PTGIS: variants seen among roughly 807,000 people sequenced by gnomAD.
PTGIS encodes the protein prostaglandin I2 synthase.
A neutral mutation model predicts 50.3 loss-of-function variants in PTGIS; 45 were observed. That is an observed-to-expected ratio of 0.90 (90% CI 0.70 to 1.15). The LOEUF (loss-of-function observed/expected upper bound fraction) is 1.15. PTGIS is among the 50% of genes most tolerant of loss of function. PTGIS has a pLI of 0.00. For synonymous variants in PTGIS, 260 were observed against 267.7 expected (o/e 0.97, Z 0.28); for missense variants, 668 against 661.3 (o/e 1.01, Z -0.11).
intron 6 of PTGIS, among the ~76,000 whole-genome samples, chr20:49,522,916 C>T (rs951060884): frequency 6.6e-6 from 1 of 152,126 alleles, no homozygotes; most frequent in Admixed American, 6.5e-5. Flanking sequence ...CCCAGCTATT[C>T]AGGAGGCTGA....
chr20:49,557,709 A>G lies in PTGIS; in HGVS notation c.75-7520T>C, dbSNP rs147302759. Among the ~76,000 whole-genome samples the G allele has an allele frequency of 3.3e-3, 510 of 152,322 alleles. 1 individual carries two copies. The highest frequency in any genetic ancestry group is 0.012 in the African/African-American group (479 of 41,580). On this transcript the variant is annotated intron_variant, in intron 1 of 9. Transcript: ENST00000244043. The stretch of plus-strand genomic sequence containing the variant: ...AGTCATGCAAGAAGCTGCCTTTCCT[A>G]CTATTCCTAAGCAGATAGCTACAGA...
chr20:49,567,926 G>A (rs575322), intron 1 of PTGIS, 117 bp downstream of exon 1: 386,004 of 982,956 alleles, frequency 0.39, 78,858 homozygotes, highest in East Asian at 0.67. Flanking sequence ...CGCCTTGCCC[G>A]GGATACTGGA....
intron 8 of PTGIS, among the ~76,000 whole-genome samples, chr20:49,512,138 T>G (rs1981337338): frequency 6.6e-6 from 1 of 151,314 alleles, no homozygotes; most frequent in Non-Finnish European, 1.5e-5. Flanking sequence ...GGTGGGTGGA[T>G]GAAAGAGTAG....
At chr20:49,557,575 G>GAA (rs1982649656) in intron 1 of PTGIS, among the ~76,000 whole-genome samples, 1 of 146,230 alleles carries the variant, frequency 6.8e-6, no homozygotes, top group Non-Finnish European at 1.5e-5. Context: ...AAAAAAAAAA[G>GAA]AAGAAAAGAA....
Position 49,568,028 on chromosome 20 carries a change from G to A in PTGIS, c.74+15C>T, listed in dbSNP as rs988440667. On this transcript the variant is annotated intron_variant, in intron 1 of 9. Transcript: ENST00000244043. The stretch of plus-strand genomic sequence containing the variant: ...CCCCTTTGTCTGGCGGGGCCGAGCG[G>A]AGCAGGACACTCACCGCGTGCGGCG... 54 of 1,486,236 alleles carry A rather than the reference G, an allele frequency of 3.6e-5. No homozygotes were observed. Among genetic ancestry groups the A allele is most frequent in the Non-Finnish European group, 4.8e-5 (54 of 1,125,096 alleles). 92.1% of individuals were successfully genotyped at this position (1,486,236 alleles called of 1,614,324 possible).
chr20:49,527,135 TAAAAAGGAATGAAATTCTGACGCATA>T (rs1163745463), intron 5 of PTGIS, among the ~76,000 whole-genome samples: 107 of 152,098 alleles, frequency 7.0e-4, no homozygotes, highest in Admixed American at 1.5e-3. Flanking sequence ...TATTCACTCT[TAAAAAGGAATGAAATTCTGACGCATA>T]TGCCAGGCAT....
intron 1 of PTGIS, among the ~76,000 whole-genome samples, chr20:49,555,662 A>T (rs994264980): frequency 6.6e-6 from 1 of 152,252 alleles, no homozygotes; most frequent in Non-Finnish European, 1.5e-5. Context: ...CTTAGTATAC[A>T]TCATCAGTAG....
chr20:49,544,244 A>G (rs1982299575), intron 4 of PTGIS, 61 bp downstream of exon 4: 1 of 1,605,324 alleles, frequency 6.2e-7, no homozygotes, highest in Non-Finnish European at 8.5e-7. Flanking sequence ...GCCACTGCTC[A>G]TGGCTGACAC....
intron 6 of PTGIS, among the ~76,000 whole-genome samples, chr20:49,519,467 A>T (rs1281603336): frequency 6.6e-6 from 1 of 150,758 alleles, no homozygotes; most frequent in Non-Finnish European, 1.5e-5. Flanking sequence ...CCAGCTTCCC[A>T]CTCCCGGCTC....
chr20:49,536,473 TC>T (rs1357504026), intron 5 of PTGIS, among the ~76,000 whole-genome samples: 1,819 of 140,446 alleles, frequency 0.013, 54 homozygotes, highest in African/African-American at 0.044. Flanking sequence ...TTTCTTTCTT[TC>T]TTTCTTTTTT....
intron 5 of PTGIS, among the ~76,000 whole-genome samples, chr20:49,531,947 G>A (rs776587879): frequency 3.9e-5 from 6 of 152,094 alleles, no homozygotes; most frequent in Non-Finnish European, 2.9e-5. Flanking sequence ...GTATTTTAAT[G>A]TCTGCATAAA....
chr20:49,532,608 A>G (rs1360748873), intron 5 of PTGIS, among the ~76,000 whole-genome samples: 2 of 152,260 alleles, frequency 1.3e-5, no homozygotes, highest in Non-Finnish European at 2.9e-5. Context: ...ACGCTATATT[A>G]TTAAATAACA....
chr20:49,514,488 G>T, intron 6 of PTGIS, 93 bp from the exon 7 acceptor site: 2 of 1,435,942 alleles, frequency 1.4e-6, no homozygotes, highest in Non-Finnish European at 1.9e-6. Context: ...AGAGGGGCCA[G>T]TAGGCCTGGG....
At position 49,504,111 on chromosome 20, in the gene PTGIS, G is replaced by A. The variant is rs554200691; in HGVS notation, c.*3809C>T. ...GGGCATTGCCAGCTCCCTGTGAGTG[G>A]GGGCCACTGGTGGGAGGAGATGGCC... On this transcript the variant is annotated 3_prime_UTR_variant, in exon 10 of 10. Coordinates refer to ENST00000244043, the MANE Select transcript of PTGIS (RefSeq NM_000961.4). 1.3e-5 allele frequency: 2 copies of A among 152,314 alleles called. No individual in the cohort carries two copies. Among genetic ancestry groups the A allele is most frequent in the East Asian group, 3.9e-4 (2 of 5,178 alleles). The allele number at this position is 152,314 out of a possible 1,614,324, so 9.4% of individuals were successfully genotyped here.
At chr20:49,533,319 C>T (rs16994682) in intron 5 of PTGIS, among the ~76,000 whole-genome samples, 6,884 of 151,962 alleles carry the variant, frequency 0.045, 467 homozygotes, top group African/African-American at 0.15. Context: ...CCTTTTTCCC[C>T]AAAACAATGT....
intron 3 of PTGIS, 60 bp downstream of exon 3, chr20:49,547,781 A>G (rs1056480452): frequency 1.9e-6 from 3 of 1,556,814 alleles, no homozygotes; most frequent in Admixed American, 1.7e-5. Flanking sequence ...CTTGGGCCAC[A>G]TGAGTAGAAA....
chr20:49,551,303 T>C (rs1260360613), intron 1 of PTGIS, among the ~76,000 whole-genome samples: 1 of 152,198 alleles, frequency 6.6e-6, no homozygotes, highest in Non-Finnish European at 1.5e-5. Flanking sequence ...AGCATTCATA[T>C]CAACACAGAC....
intron 3 of PTGIS, among the ~76,000 whole-genome samples, chr20:49,547,216 AG>A (rs1389942784): frequency 6.6e-6 from 1 of 152,244 alleles, no homozygotes; most frequent in Non-Finnish European, 1.5e-5. Flanking sequence ...TGGGCAACAG[AG>A]AGAGACTCTG....
At chr20:49,518,100 C>T (rs780375980) in intron 6 of PTGIS, among the ~76,000 whole-genome samples, 10 of 152,256 alleles carry the variant, frequency 6.6e-5, no homozygotes, top group Non-Finnish European at 1.0e-4. Context: ...GGGAGACCCT[C>T]TGAGGATGTA....
Sources: allele counts gnomAD v4.1 joint callset (sites outside exome capture counted in the v4.1 genomes callset), GRCh38; gene constraint gnomAD v4.1.1; transcripts MANE v1.5; gene names NCBI Gene and HGNC (gene_info 2026-07-23, HGNC 2026-07-21).